PERM1: variants seen among roughly 807,000 people sequenced by gnomAD.
PERM1 encodes the protein PPARGC1 and ESRR induced regulator, muscle 1.
A neutral mutation model predicts 44.1 loss-of-function variants in PERM1; 45 were observed. That is an observed-to-expected ratio of 1.02 (90% CI 0.80 to 1.31). The LOEUF is 1.31. PERM1 is among the 50% of genes most tolerant of loss of function. The probability of loss-of-function intolerance (pLI) is 0.00; values close to 1 mark genes in which losing one functional copy is unlikely to be tolerated. For synonymous variants in PERM1, 565 were observed against 477.1 expected (o/e 1.18, Z -2.40); for missense variants, 1,189 against 1,106.9 (o/e 1.07, Z -1.05).
chr1:980,744 G>A (rs1643775057), exon 1 of PERM1: 2 of 1,408,920 alleles, frequency 1.4e-6, no homozygotes, highest in African/African-American at 2.9e-5. Context: ...CCGGTCCCCA[G>A]GGCCAAGACA....
At chr1:980,465 C>A (rs1643765981) in exon 1 of PERM1, 4 of 1,527,470 alleles carry the variant, frequency 2.6e-6, no homozygotes, top group Non-Finnish European at 3.5e-6. Context: ...CCCTTGGCAC[C>A]CACAGCTCGC....
intron 1 of PERM1, 66 bp from the exon 3 acceptor site, chr1:976,690 C>G (rs1643623002): frequency 6.5e-7 from 1 of 1,535,092 alleles, no homozygotes; most frequent in African/African-American, 1.4e-5. Flanking sequence ...ACGCCCGCCC[C>G]GGGAACCGCC....
chr1:979,249 T>G, exon 1 of PERM1: 1 of 1,549,958 alleles, frequency 6.5e-7, no homozygotes. Context: ...CTCTTCGTTC[T>G]CCTCGATGGT....
exon 3 of PERM1, chr1:976,244 G>C: frequency 6.5e-7 from 1 of 1,534,190 alleles, no homozygotes. Flanking sequence ...GGATGGCAGA[G>C]ATGGTGCCGA....
chr1:979,204 C>G, exon 1 of PERM1: 1 of 1,550,148 alleles, frequency 6.5e-7, no homozygotes, highest in Non-Finnish European at 8.7e-7. Context: ...CCACTGGACG[C>G]CTGCCGGATC....
chr1:979,032 C>A, exon 1 of PERM1: 1 of 1,539,310 alleles, frequency 6.5e-7, no homozygotes, highest in Non-Finnish European at 8.8e-7. Flanking sequence ...GCCTGTCCTC[C>A]CCGAAGAAGA....
At position 980,568 on chromosome 1, in the gene PERM1, AG is replaced by A; in HGVS notation, c.461del (p.Pro154LeufsTer66). The A allele has an allele frequency of 6.9e-7, 1 of 1,457,328 alleles. No homozygotes were observed. Among genetic ancestry groups the A allele is most frequent in the Non-Finnish European group, 9.1e-7 (1 of 1,104,938 alleles). The allele number at this position is 1,457,328 out of a possible 1,614,324, so 90.3% of individuals were successfully genotyped here. A position where few individuals can be genotyped will look rare whatever the true frequency, so the allele number is the denominator to read the frequency against. On this transcript the variant is annotated frameshift_variant, in exon 1 of 3. Coordinates refer to ENST00000433179, the Ensembl canonical transcript of PERM1. LOFTEE classifies it high-confidence loss of function. ...TGTGGCCAGGGGACTTGGGACTCCC[AG>A]GGGGCTCACCAGGGGGCCGTGGGGC... is the stretch of plus-strand genomic sequence containing the variant.
chr1:979,647 G>A lies in PERM1; in HGVS notation c.1383C>T (p.Pro461=), dbSNP rs894170993. Residue 461 remains proline, a synonymous_variant, in exon 1 of 3, where the codon CCC becomes CCT. Transcript: ENST00000433179. Reference sequence around the variant, plus strand: ...CCACATCAGGCCCAGCTCTGCGGGTGGGAGGCCAGGCGAGGCCAGCGGCGT... The same window carrying A: ...CCACATCAGGCCCAGCTCTGCGGGTAGGAGGCCAGGCGAGGCCAGCGGCGT... The A allele has an allele frequency of 8.4e-6, 13 of 1,550,154 alleles. No individual in the cohort carries two copies. In the African/African-American group the frequency reaches 1.1e-4, roughly 13 times the overall value.
At chr1:979,419 C>T (rs769085847) in exon 1 of PERM1, 4 of 1,524,742 alleles carry the variant, frequency 2.6e-6, no homozygotes, top group African/African-American at 1.4e-5. Context: ...AGGCTCCGGG[C>T]CCCCCGTGGG....
At chr1:979,723 G>A (rs933082576) in exon 1 of PERM1, 13 of 1,550,176 alleles carry the variant, frequency 8.4e-6, no homozygotes, top group Admixed American at 3.9e-5. Context: ...GGTCATCCTC[G>A]GCACAGCCTC....
chr1:978,801 T>A, intron 1 of PERM1, 80 bp downstream of exon 2: 1 of 1,322,780 alleles, frequency 7.6e-7, no homozygotes, highest in East Asian at 2.7e-5. Context: ...GCCCGGCCCC[T>A]GCGGCCCCCT....
upstream of PERM1, among the ~76,000 whole-genome samples, chr1:981,786 C>G (rs919733355): frequency 6.6e-6 from 1 of 152,226 alleles, no homozygotes; most frequent in African/African-American, 2.4e-5. Context: ...CCCGGCTGCC[C>G]GGGGTGCCTT....
At chr1:976,175 G>A in exon 3 of PERM1, 1 of 1,546,530 alleles carries the variant, frequency 6.5e-7, no homozygotes, top group Non-Finnish European at 8.7e-7. Flanking sequence ...CTGGCTCCTA[G>A]GAGCTGGGGC....
chr1:979,568 A>T (rs1361733377), exon 1 of PERM1: 1 of 1,549,994 alleles, frequency 6.5e-7, no homozygotes, highest in Admixed American at 2.0e-5. Flanking sequence ...GGTGCCCCAG[A>T]GCAGCATCCG....
chr1:981,165 A>T, upstream of PERM1: 1 of 1,548,518 alleles, frequency 6.5e-7, no homozygotes, highest in Non-Finnish European at 8.7e-7. Context: ...TCGGGGCTCC[A>T]TCCATGCCCT....
chr1:975,298 C>T (rs1643558017), exon 3 of PERM1: 1 of 152,766 alleles, frequency 6.5e-6, no homozygotes, highest in Non-Finnish European at 1.5e-5. Flanking sequence ...CAGCACCCAG[C>T]CAGGCAGCCC....
At chr1:976,606 A>T (rs1643617916) in exon 2 of PERM1, 1 of 1,549,276 alleles carries the variant, frequency 6.5e-7, no homozygotes, top group Non-Finnish European at 8.7e-7. Flanking sequence ...AAATGATGGG[A>T]CAGGCCCCCG....
chr1:976,511 C>T (rs1643612609), exon 2 of PERM1: 11 of 1,549,550 alleles, frequency 7.1e-6, no homozygotes, highest in Admixed American at 5.9e-5. Flanking sequence ...GTTTTCCAGG[C>T]GTCTGGGGTA....
chr1:976,654 G>A, intron 1 of PERM1, 30 bp from the exon 3 acceptor site: 2 of 1,548,294 alleles, frequency 1.3e-6, no homozygotes, highest in South Asian at 1.2e-5. Context: ...TCAGCCCCAC[G>A]GCTGCACTCA....
Sources: allele counts gnomAD v4.1 joint callset (sites outside exome capture counted in the v4.1 genomes callset), GRCh38; gene constraint gnomAD v4.1.1; transcripts MANE v1.5; gene names NCBI Gene and HGNC (gene_info 2026-07-23, HGNC 2026-07-21).